The following RFTN2 variants were observed in gnomAD, a reference collection of about 807,000 sequenced individuals.
The protein encoded by RFTN2 is raftlin-2.
RFTN2 carries 34 observed loss-of-function variants against 52.7 expected under a neutral mutation model. The ratio of observed to expected loss-of-function variants is 0.64; its 90% CI spans 0.49 to 0.86. RFTN2 has a LOEUF of 0.86. RFTN2 is among the 40% of genes least tolerant of loss of function. RFTN2 has a pLI of 0.00. For synonymous variants in RFTN2, 203 were observed against 217.7 expected, an observed-to-expected ratio of 0.93 and a Z score of 0.59; for missense variants, 536 against 600.1, an observed-to-expected ratio of 0.89 and a Z score of 1.12.
At chr2:197,633,396 C>A (rs764248662) in intron 4 of RFTN2, among the ~76,000 whole-genome samples, 1 of 152,098 alleles carries the variant, frequency 6.6e-6, no homozygotes, top group Non-Finnish European at 1.5e-5. Flanking sequence ...GCTTTTTAGA[C>A]CTAATAGACT....
chr2:197,668,688 T>C (rs977319449), intron 1 of RFTN2, among the ~76,000 whole-genome samples: 6 of 152,164 alleles, frequency 3.9e-5, no homozygotes, highest in Non-Finnish European at 2.9e-5. Context: ...AGCCCTAGCA[T>C]CACTAGATCT....
chr2:197,622,244 A>G (rs1195763166), intron 5 of RFTN2, among the ~76,000 whole-genome samples: 1 of 152,248 alleles, frequency 6.6e-6, no homozygotes, highest in Non-Finnish European at 1.5e-5. Context: ...CAAGTTATCT[A>G]GAAGATCCAG....
intron 1 of RFTN2, among the ~76,000 whole-genome samples, chr2:197,663,241 G>C (rs1328244219): frequency 6.6e-6 from 1 of 152,074 alleles, no homozygotes; most frequent in Admixed American, 6.6e-5. Context: ...AGTTTGGTTT[G>C]CTAGTATTTT....
chr2:197,593,660 G>T (rs1004161710), intron 8 of RFTN2, among the ~76,000 whole-genome samples: 3 of 152,066 alleles, frequency 2.0e-5, no homozygotes, highest in Admixed American at 1.3e-4. Context: ...AGGCCGAGGT[G>T]GGGGGATCTC....
At chr2:197,658,727 C>T (rs1668393579) in intron 1 of RFTN2, among the ~76,000 whole-genome samples, 1 of 152,130 alleles carries the variant, frequency 6.6e-6, no homozygotes, top group Non-Finnish European at 1.5e-5. Context: ...TTTCTCAGTT[C>T]TTTAGGGGAA....
chr2:197,673,532 G>C (rs1043502010), intron 1 of RFTN2, among the ~76,000 whole-genome samples: 1 of 152,206 alleles, frequency 6.6e-6, no homozygotes, highest in African/African-American at 2.4e-5. Context: ...TCCAGGTGCA[G>C]CTTTAAAGTA....
intron 3 of RFTN2, among the ~76,000 whole-genome samples, chr2:197,637,449 T>C (rs1365423599): frequency 6.6e-6 from 1 of 151,896 alleles, no homozygotes; most frequent in Non-Finnish European, 1.5e-5. Flanking sequence ...AGATTCAACT[T>C]CTTCCTGGTT....
At chr2:197,634,259 C>T (rs192193537) in intron 3 of RFTN2, among the ~76,000 whole-genome samples, 9 of 152,172 alleles carry the variant, frequency 5.9e-5, no homozygotes, top group Admixed American at 2.0e-4. Flanking sequence ...CCCTGAAGGG[C>T]CACTGTTTGG....
At position 197,623,179 on chromosome 2, in the gene RFTN2, C is replaced by T. The variant is rs139045873; in HGVS notation, c.929-5258G>A. On this transcript the variant is annotated intron_variant, in intron 5 of 8. Coordinates refer to ENST00000295049, the MANE Select transcript of RFTN2 (RefSeq NM_144629.3). ...GGATCTGGGCAAAATAAATTAAAAC[C>T]TTCTGGAAAGGATTCACTATTCTAG... 4.4e-3 allele frequency among the ~76,000 whole-genome samples: 675 copies of T among 152,234 alleles called. 1 individual carries two copies. The highest frequency in any genetic ancestry group is 7.8e-3 in the Non-Finnish European group (533 of 68,012).
rs533341544 is a variant in RFTN2 at position 197,568,724 on chromosome 2, C to G, written c.*3284G>C. 1 of 152,146 alleles carries G rather than the reference C, an allele frequency of 6.6e-6. No homozygotes were observed. Among genetic ancestry groups the G allele is most frequent in the Non-Finnish European group, 1.5e-5 (1 of 68,050 alleles). 9.4% of individuals were successfully genotyped at this position (152,146 alleles called of 1,614,324 possible). On this transcript the variant is annotated 3_prime_UTR_variant, in exon 9 of 9. Transcript: ENST00000295049. Reference sequence around the variant, plus strand: ...TGAAGAGTTAAGAGAAAGAAATCCTCTTTAGCCATATGGGGAGGGAAAGGG... The same window carrying G: ...TGAAGAGTTAAGAGAAAGAAATCCTGTTTAGCCATATGGGGAGGGAAAGGG...
intron 1 of RFTN2, among the ~76,000 whole-genome samples, chr2:197,670,726 C>T (rs1179839641): frequency 6.9e-6 from 1 of 144,568 alleles, no homozygotes; most frequent in East Asian, 2.1e-4. Context: ...GTCAGCTGTG[C>T]ATCTATAAAC....
chr2:197,634,692 ATTTTTTATTTT>A (rs200094750), intron 3 of RFTN2, among the ~76,000 whole-genome samples: 2,727 of 147,892 alleles, frequency 0.018, 84 homozygotes, highest in African/African-American at 0.064. Context: ...CTTATTTTTT[ATTTTTTATTTT>A]TTTTTTATTT....
intron 7 of RFTN2, 59 bp downstream of exon 7, chr2:197,615,817 A>C (rs2088131892): frequency 1.1e-6 from 1 of 870,926 alleles, no homozygotes; most frequent in Non-Finnish European, 1.8e-6. Context: ...TGAACTATCT[A>C]ACAGATGAAG....
rs117323105 is a variant in RFTN2 at position 197,666,205 on chromosome 2, C to A, written c.139+9115G>T. 2.6e-3 allele frequency among the ~76,000 whole-genome samples: 394 copies of A among 152,284 alleles called. 7 individuals carry two copies. Among genetic ancestry groups the A allele is most frequent in the Admixed American group, 0.018 (274 of 15,306 alleles). Reference sequence around the variant, plus strand: ...CTTCAAGCGTTTCTCTTGCCTCAGCCTCCTGAGTAGTGGGGACTACAGGTG... The same window carrying A: ...CTTCAAGCGTTTCTCTTGCCTCAGCATCCTGAGTAGTGGGGACTACAGGTG... On this transcript the variant is annotated intron_variant, in intron 1 of 8. Coordinates refer to ENST00000295049, the MANE Select transcript of RFTN2 (RefSeq NM_144629.3).
At chr2:197,650,971 A>G (rs1474804681) in intron 1 of RFTN2, among the ~76,000 whole-genome samples, 1 of 152,212 alleles carries the variant, frequency 6.6e-6, no homozygotes, top group Non-Finnish European at 1.5e-5. Flanking sequence ...GATAGTAGCT[A>G]TTCTAACAGG....
chr2:197,596,804 G>A (rs1347393543), intron 7 of RFTN2, among the ~76,000 whole-genome samples: 1 of 152,106 alleles, frequency 6.6e-6, no homozygotes, highest in Non-Finnish European at 1.5e-5. Flanking sequence ...TCAATTGAGG[G>A]ACTTCAACTA....
At position 197,675,381 on chromosome 2, in the gene RFTN2, C is replaced by T. The variant is rs376638860; in HGVS notation, c.78G>A (p.Pro26=). 5.0e-5 allele frequency: 80 copies of T among 1,604,850 alleles called. No individual in the cohort carries two copies. Among genetic ancestry groups the T allele is most frequent in the Non-Finnish European group, 6.4e-5 (75 of 1,175,714 alleles). ...PGKIFSTLKR[P]QVETKTEFAY... ...CAAATTCTGTCTTTGTTTCCACTTG[C>T]GGTCTCTTCAGGGTAGAAAATATTT... Residue 26 remains proline, a synonymous_variant, in exon 1 of 9, where the codon CCG becomes CCA. Transcript: ENST00000295049.
intron 1 of RFTN2, among the ~76,000 whole-genome samples, chr2:197,669,386 T>C (rs552134610): frequency 6.6e-6 from 1 of 152,262 alleles, no homozygotes; most frequent in African/African-American, 2.4e-5. Flanking sequence ...CTTTTTTTTT[T>C]TCAAATTTTT....
chr2:197,615,415 T>G (rs2088125629), intron 7 of RFTN2, among the ~76,000 whole-genome samples: 2 of 152,176 alleles, frequency 1.3e-5, no homozygotes, highest in African/African-American at 4.8e-5. Flanking sequence ...CTCAAAAAAG[T>G]AAGATTCAAT....
Sources: gnomAD v4.1 joint callset for allele counts (sites outside exome capture counted in the v4.1 genomes callset) on GRCh38, gnomAD v4.1.1 for gene constraint, MANE v1.5 for transcripts, NCBI Gene and HGNC (gene_info 2026-07-23, HGNC 2026-07-21) for gene names.